Variants in PTPRT observed in about 807,000 individuals in gnomAD.
PTPRT encodes receptor-type tyrosine-protein phosphatase T.
PTPRT carries 56 observed loss-of-function variants against 176.8 expected under a neutral mutation model. The observed-to-expected ratio is 0.32, with a 90% CI of 0.26 to 0.40. The LOEUF (loss-of-function observed/expected upper bound fraction) is 0.40, where lower values mean the gene tolerates loss of function less well. Ranked by LOEUF, PTPRT falls within the 10% of genes least tolerant of loss-of-function variation. The pLI, the probability that PTPRT is intolerant of heterozygous loss-of-function variation, is 1.00. For missense variants in PTPRT, 1,540 were observed against 1,908.2 expected, an observed-to-expected ratio of 0.81 and a Z score of 3.60; for synonymous variants, 783 against 739.0, an observed-to-expected ratio of 1.06 and a Z score of -0.96.
chr20:42,801,437 T>A (rs911105411), intron 2 of PTPRT, among the ~76,000 whole-genome samples: 1 of 152,180 alleles, frequency 6.6e-6, no homozygotes, highest in Non-Finnish European at 1.5e-5. Context: ...GGTGGTTCCA[T>A]TCATGAAGGC....
intron 9 of PTPRT, among the ~76,000 whole-genome samples, chr20:42,369,122 G>A (rs544618363): frequency 5.0e-5 from 7 of 141,148 alleles, no homozygotes; most frequent in Admixed American, 7.5e-5. Flanking sequence ...CCATCCGTCC[G>A]TCCATCAATC....
the PTPRT span, among the ~76,000 whole-genome samples, chr20:42,055,261 C>T: frequency 2.6e-5 from 4 of 152,114 alleles, no homozygotes; most frequent in East Asian, 7.7e-4. Flanking sequence ...GAAAGTTTTC[C>T]CCCAGTTTTT....
chr20:42,104,461 G>C, intron 25 of PTPRT, 108 bp downstream of exon 25: 3 of 1,275,498 alleles, frequency 2.4e-6, no homozygotes, highest in Non-Finnish European at 3.2e-6. Flanking sequence ...TCAGCCTCCA[G>C]AAATGTAATG....
intron 1 of PTPRT, among the ~76,000 whole-genome samples, chr20:43,063,017 C>T (rs539699150): frequency 3.3e-5 from 5 of 152,280 alleles, no homozygotes; most frequent in Non-Finnish European, 5.9e-5. Context: ...CTTACCTCCA[C>T]ACTCAGAAAA....
At chr20:42,129,066 G>A (rs1379270158) in intron 18 of PTPRT, among the ~76,000 whole-genome samples, 2 of 152,016 alleles carry the variant, frequency 1.3e-5, no homozygotes, top group Non-Finnish European at 2.9e-5. Flanking sequence ...TTACCTAACT[G>A]GATTAGTCAC....
At chr20:42,696,692 T>C (rs1038819577) in intron 6 of PTPRT, among the ~76,000 whole-genome samples, 1 of 152,062 alleles carries the variant, frequency 6.6e-6, no homozygotes, top group Non-Finnish European at 1.5e-5. Flanking sequence ...CCTGACCTCA[T>C]GATCCACCTG....
chr20:42,203,539 G>T (rs983995887), intron 15 of PTPRT, among the ~76,000 whole-genome samples: 4 of 151,944 alleles, frequency 2.6e-5, no homozygotes, highest in African/African-American at 9.7e-5. Flanking sequence ...CCTCCTCTTT[G>T]TCCTCCAAGG....
At chr20:42,653,166 C>T (rs2075063397) in intron 7 of PTPRT, among the ~76,000 whole-genome samples, 1 of 152,060 alleles carries the variant, frequency 6.6e-6, no homozygotes, top group South Asian at 2.1e-4. Context: ...GTAGTGAGTT[C>T]TCATGAAATC....
intron 7 of PTPRT, among the ~76,000 whole-genome samples, chr20:42,650,039 A>G (rs1019121705): frequency 6.6e-6 from 1 of 152,194 alleles, no homozygotes; most frequent in African/African-American, 2.4e-5. Flanking sequence ...ACTTGGTCAC[A>G]TGACCACACT....
intron 7 of PTPRT, among the ~76,000 whole-genome samples, chr20:42,572,630 C>T (rs1490461851): frequency 3.9e-5 from 6 of 152,230 alleles, no homozygotes; most frequent in East Asian, 3.9e-4. Context: ...ACTTCTCATG[C>T]ATTCCCATAC....
chr20:43,142,726 C>T (rs2014054632), intron 1 of PTPRT, among the ~76,000 whole-genome samples: 1 of 152,194 alleles, frequency 6.6e-6, no homozygotes, highest in African/African-American at 2.4e-5. Context: ...CCAAAGACAA[C>T]TGTGTGCCTA....
At chr20:42,558,251 T>C (rs2072893802) in intron 7 of PTPRT, among the ~76,000 whole-genome samples, 1 of 152,140 alleles carries the variant, frequency 6.6e-6, no homozygotes, top group South Asian at 2.1e-4. Context: ...TTTGGTTTTG[T>C]CTTCCAGCGT....
chr20:42,897,740 T>C (rs894173625), intron 1 of PTPRT, among the ~76,000 whole-genome samples: 1 of 152,104 alleles, frequency 6.6e-6, no homozygotes, highest in Non-Finnish European at 1.5e-5. Context: ...TTTTACTTAG[T>C]TATATGACCT....
chr20:43,014,261 G>C, intron 1 of PTPRT, among the ~76,000 whole-genome samples: 1 of 152,104 alleles, frequency 6.6e-6, no homozygotes, highest in Non-Finnish European at 1.5e-5. Context: ...CTGTCGCTCT[G>C]TTATCTGCAT....
intron 7 of PTPRT, among the ~76,000 whole-genome samples, chr20:42,628,304 T>C (rs2074334288): frequency 6.6e-6 from 1 of 151,116 alleles, no homozygotes; most frequent in East Asian, 1.9e-4. Context: ...TTCAACCACC[T>C]TTTTTTTTGT....
At position 42,119,858 on chromosome 20, in the gene PTPRT, C is replaced by A. The variant is rs546770136; in HGVS notation, c.2884+77G>T. 1.2e-5 allele frequency: 16 copies of A among 1,315,678 alleles called. No homozygotes were observed. In the East Asian group the frequency reaches 3.6e-4, roughly 30 times the overall value. The allele number at this position is 1,315,678 out of a possible 1,614,324, so 81.5% of individuals were successfully genotyped here. A position where few individuals can be genotyped will look rare whatever the true frequency, so the allele number is the denominator to read the frequency against. On this transcript the variant is annotated intron_variant, in intron 20 of 30. Transcript: ENST00000373187. ...AACAGATATAGGAGGAGAGGACAAG[C>A]CTTGCAGTTAAGAGAGCCCTTTCCC...
Position 42,615,363 on chromosome 20 carries a change from T to G in PTPRT, c.1153+62503A>C, listed in dbSNP as rs1359927773. Among the ~76,000 whole-genome samples the G allele has an allele frequency of 2.2e-5, 3 of 137,734 alleles. 1 individual carries two copies. Among genetic ancestry groups the G allele is most frequent in the Admixed American group, 2.1e-4 (3 of 14,360 alleles). 90.4% of individuals were successfully genotyped at this position (137,734 alleles called of 152,430 possible). A position where few individuals can be genotyped will look rare whatever the true frequency, so the allele number is the denominator to read the frequency against. The stretch of plus-strand genomic sequence containing the variant: ...GTTGGACATTTCGGTTGGTTCCAAG[T>G]CTTTGCTATTGTGAATAATGCTGCA... On this transcript the variant is annotated intron_variant, in intron 7 of 30. Transcript: ENST00000373187.
At chr20:43,023,882 C>G (rs1600655617) in intron 1 of PTPRT, among the ~76,000 whole-genome samples, 1 of 152,304 alleles carries the variant, frequency 6.6e-6, no homozygotes, top group East Asian at 1.9e-4. Context: ...TGAGGTTCCC[C>G]CGAGACAAAC....
At chr20:42,496,520 A>T (rs1325567134) in intron 7 of PTPRT, among the ~76,000 whole-genome samples, 1 of 152,080 alleles carries the variant, frequency 6.6e-6, no homozygotes, top group Admixed American at 6.6e-5. Flanking sequence ...TTCTGGCACC[A>T]GTTCAGAAGA....
Sources: allele counts gnomAD v4.1 joint callset (sites outside exome capture counted in the v4.1 genomes callset), GRCh38; gene constraint gnomAD v4.1.1; transcripts MANE v1.5; gene names NCBI Gene and HGNC (gene_info 2026-07-23, HGNC 2026-07-21).